Variants in PCDHA4 observed in about 807,000 individuals in gnomAD.
PCDHA4 encodes the protein protocadherin alpha 4.
Under a neutral mutation model 61.4 loss-of-function variants are expected in PCDHA4, and 49 were observed. The observed-to-expected ratio is 0.80, with a 90% CI of 0.63 to 1.01. The LOEUF is 1.01. PCDHA4 is among the 50% of genes least tolerant of loss of function. The pLI is 0.00. For synonymous variants in PCDHA4, 590 were observed against 550.3 expected, an observed-to-expected ratio of 1.07 and a Z score of -1.01; for missense variants, 1,254 against 1,235.8, an observed-to-expected ratio of 1.01 and a Z score of -0.22.
chr5:140,978,246 C>T (rs1243560833), intron 1 of PCDHA4, among the ~76,000 whole-genome samples: 1 of 152,148 alleles, frequency 6.6e-6, no homozygotes, highest in Non-Finnish European at 1.5e-5. Flanking sequence ...TCAGCTACTC[C>T]CTGTTAAACA....
At chr5:140,872,001 AC>A (rs1237580171) in intron 1 of PCDHA4, among the ~76,000 whole-genome samples, 21 of 152,320 alleles carry the variant, frequency 1.4e-4, no homozygotes, top group African/African-American at 5.1e-4. Context: ...GTGGCTATTT[AC>A]AGGTGACCTG....
chr5:140,876,759 T>A, intron 1 of PCDHA4: 1 of 1,614,146 alleles, frequency 6.2e-7, no homozygotes, highest in Non-Finnish European at 8.5e-7. Context: ...CTGCGCGGGA[T>A]GGGGGCTCGC....
At chr5:140,809,951 C>G (rs1277877480) in intron 1 of PCDHA4, 3 of 163,348 alleles carry the variant, frequency 1.8e-5, no homozygotes, top group African/African-American at 7.2e-5. Context: ...TGAAAAGCTC[C>G]GTTGCCTCCA....
chr5:140,852,638 T>C lies in PCDHA4; in HGVS notation c.2385+43066T>C. 5 of 960,950 alleles carry C rather than the reference T, an allele frequency of 5.2e-6. 1 individual carries two copies. Among genetic ancestry groups the C allele is most frequent in the Non-Finnish European group, 6.3e-6 (5 of 795,190 alleles). The allele number at this position is 960,950 out of a possible 1,614,324, so 59.5% of individuals were successfully genotyped here. On this transcript the variant is annotated intron_variant, in intron 1 of 3. Coordinates refer to ENST00000530339, the MANE Select transcript of PCDHA4 (RefSeq NM_018907.4). ...TTGAGTGGTCTCTGAGCTCCTGTCA[T>C]TAAACCTATCTATATCTGTCTATCA...
At chr5:140,934,899 T>G (rs1320708660) in intron 1 of PCDHA4, among the ~76,000 whole-genome samples, 2 of 152,184 alleles carry the variant, frequency 1.3e-5, no homozygotes, top group Non-Finnish European at 2.9e-5. Flanking sequence ...AACCTTTTAT[T>G]TTGGAATAAT....
At chr5:140,894,505 C>T (rs1054272448) in intron 1 of PCDHA4, among the ~76,000 whole-genome samples, 9 of 151,570 alleles carry the variant, frequency 5.9e-5, no homozygotes, top group Non-Finnish European at 2.9e-5. Context: ...AGGCATTATC[C>T]ATAGTGTTTA....
intron 1 of PCDHA4, chr5:140,850,077 C>T: frequency 6.3e-7 from 1 of 1,596,450 alleles, no homozygotes. Context: ...CCACGAGGAG[C>T]TGGAGCTGCT....
chr5:140,952,724 C>G (rs1481919445), intron 1 of PCDHA4, among the ~76,000 whole-genome samples: 1 of 152,100 alleles, frequency 6.6e-6, no homozygotes, highest in Non-Finnish European at 1.5e-5. Context: ...ATTTTCTGTA[C>G]TAGTCTTTTC....
chr5:140,823,591 C>G, intron 1 of PCDHA4: 1 of 1,614,004 alleles, frequency 6.2e-7, no homozygotes, highest in Non-Finnish European at 8.5e-7. Context: ...CAACGCTTGG[C>G]TTTCGTATGA....
chr5:140,927,150 G>GT, intron 1 of PCDHA4: 1 of 1,614,134 alleles, frequency 6.2e-7, no homozygotes, highest in Non-Finnish European at 8.5e-7. Context: ...GCGAACAGCT[G>GT]TGCAGGGCCA....
At chr5:140,822,873 G>A in intron 1 of PCDHA4, 4 of 1,614,214 alleles carry the variant, frequency 2.5e-6, no homozygotes, top group Non-Finnish European at 3.4e-6. Flanking sequence ...CACTCAGCAC[G>A]GTCATTGCTC....
chr5:140,848,513 A>T, intron 1 of PCDHA4: 2 of 1,590,760 alleles, frequency 1.3e-6, no homozygotes, highest in Non-Finnish European at 1.7e-6. Context: ...ACTCAAGTCG[A>T]GGAGATCCAG....
At position 140,857,279 on chromosome 5, in the gene PCDHA4, G is replaced by A. The variant is rs782434219; in HGVS notation, c.2385+47707G>A. 6 of 1,598,610 alleles carry A rather than the reference G, an allele frequency of 3.8e-6. No homozygotes were observed. Among genetic ancestry groups the A allele is most frequent in the Admixed American group, 1.7e-5 (1 of 59,324 alleles). Reference sequence around the variant, plus strand: ...TTACTACTCATTGGTGCTGGACAGCGCTCTGGACCGCGAGAGGGTGTCGGC... The same window carrying A: ...TTACTACTCATTGGTGCTGGACAGCACTCTGGACCGCGAGAGGGTGTCGGC... On this transcript the variant is annotated intron_variant, in intron 1 of 3. Coordinates refer to ENST00000530339, the MANE Select transcript of PCDHA4 (RefSeq NM_018907.4).
intron 1 of PCDHA4, chr5:140,882,740 T>A (rs1554175394): frequency 6.2e-7 from 1 of 1,614,198 alleles, no homozygotes; most frequent in African/African-American, 1.3e-5. Flanking sequence ...AGATGGCGCA[T>A]CCGATGCAGA....
chr5:140,828,502 A>G (rs1418351723), intron 1 of PCDHA4: 1 of 1,614,104 alleles, frequency 6.2e-7, no homozygotes, highest in African/African-American at 1.3e-5. Context: ...CGGTAGAGGA[A>G]CAAAGAGTGC....
intron 1 of PCDHA4, chr5:140,817,117 C>T (rs2126677661): frequency 1.3e-5 from 2 of 152,222 alleles, no homozygotes; most frequent in Non-Finnish European, 2.9e-5. Flanking sequence ...TTCTGAGCTG[C>T]CCTCAGGATT....
chr5:140,870,253 G>A (rs782678686), intron 1 of PCDHA4: 2 of 1,614,196 alleles, frequency 1.2e-6, no homozygotes, highest in Non-Finnish European at 1.7e-6. Flanking sequence ...CAACGGACAG[G>A]TGACCTGCTC....
rs190030565 is a variant in PCDHA4, at chr5:140,999,153, C to T, written c.2534-10474C>T. Among the ~76,000 whole-genome samples, 42 of 152,242 alleles carry T rather than the reference C, an allele frequency of 2.8e-4. 1 individual carries two copies. In the East Asian group the frequency reaches 5.2e-3, roughly 19 times the overall value. Reference sequence around the variant, plus strand: ...AATGTCACAGCCGGAAGTCTTCAGTCCCCTAGAAGGAAAAGAGCCTGATGG... The same window carrying T: ...AATGTCACAGCCGGAAGTCTTCAGTTCCCTAGAAGGAAAAGAGCCTGATGG... On this transcript the variant is annotated intron_variant, in intron 3 of 3. Coordinates refer to ENST00000530339, the MANE Select transcript of PCDHA4 (RefSeq NM_018907.4).
chr5:140,926,903 G>GT, intron 1 of PCDHA4: 1 of 1,558,060 alleles, frequency 6.4e-7, no homozygotes, highest in Non-Finnish European at 8.7e-7. Context: ...ATGGTGGGCT[G>GT]TGGGGTGGCA....
Sources: gnomAD v4.1 joint callset for allele counts (sites outside exome capture counted in the v4.1 genomes callset) on GRCh38, gnomAD v4.1.1 for gene constraint, MANE v1.5 for transcripts, NCBI Gene and HGNC (gene_info 2026-07-23, HGNC 2026-07-21) for gene names.